INPP5B: variants seen among roughly 807,000 people sequenced by gnomAD.
INPP5B encodes the protein inositol polyphosphate-5-phosphatase B, also known as type II inositol 1,4,5-trisphosphate 5-phosphatase.
Under a neutral mutation model 118.5 loss-of-function variants are expected in INPP5B, and 90 were observed. The ratio of observed to expected loss-of-function variants is 0.76; its 90% confidence interval spans 0.64 to 0.90. The LOEUF is 0.90. Among genes scored for constraint, INPP5B ranks in the 40% least tolerant of loss-of-function variants. INPP5B has a pLI of 0.00. For synonymous variants in INPP5B, 385 were observed against 418.9 expected, an observed-to-expected ratio of 0.92 and a Z score of 0.99; for missense variants, 984 against 1,125.6, an observed-to-expected ratio of 0.87 and a Z score of 1.80.
intron 5 of INPP5B, 145 bp downstream of exon 5, chr1:37,943,495 C>A: frequency 2.6e-6 from 2 of 766,606 alleles, no homozygotes; most frequent in Non-Finnish European, 2.1e-6. Flanking sequence ...GATGAGCCCA[C>A]GGAGATGGGC....
At chr1:37,871,514 T>C (rs949128792) in intron 19 of INPP5B, among the ~76,000 whole-genome samples, 17 of 151,686 alleles carry the variant, frequency 1.1e-4, no homozygotes, top group Non-Finnish European at 2.5e-4. Flanking sequence ...ACACCTGCAA[T>C]CCCAACACTT....
chr1:37,868,490 A>T lies in INPP5B; in HGVS notation c.2301+11T>A, dbSNP rs1176417872. 1 of 1,599,412 alleles carries T rather than the reference A, an allele frequency of 6.3e-7. No individual in the cohort carries two copies. On this transcript the variant is annotated intron_variant, in intron 20 of 23. Transcript: ENST00000373024. Reference sequence around the variant, plus strand: ...GCCTCAATCAGGTCTGAATGCTTAAACACAACCTACCTGCTGGACAGCATT... The same window carrying T: ...GCCTCAATCAGGTCTGAATGCTTAATCACAACCTACCTGCTGGACAGCATT...
chr1:37,897,138 C>T (rs1314428147), intron 7 of INPP5B, among the ~76,000 whole-genome samples: 10 of 151,426 alleles, frequency 6.6e-5, no homozygotes, highest in Non-Finnish European at 1.3e-4. Context: ...TCCGGCCAGC[C>T]GCCCTGTCCG....
intron 7 of INPP5B, among the ~76,000 whole-genome samples, chr1:37,900,499 C>T (rs556398310): frequency 5.9e-5 from 9 of 151,604 alleles, no homozygotes; most frequent in South Asian, 2.1e-4. Flanking sequence ...ATGATCCGCC[C>T]GCCTCAGCCT....
intron 7 of INPP5B, among the ~76,000 whole-genome samples, chr1:37,923,082 G>A (rs142479802): frequency 1.3e-5 from 2 of 152,290 alleles, no homozygotes; most frequent in East Asian, 3.9e-4. Flanking sequence ...GAGGAAGGGG[G>A]CAGGAGTTGT....
At position 37,888,243 on chromosome 1, in the gene INPP5B, C is replaced by T. The variant is rs1643650556; in HGVS notation, c.899G>A (p.Gly300Glu). Residue 300 changes from glycine (G) to glutamate (E), a missense_variant and splice_region_variant, in exon 10 of 24, where the codon GGG becomes GAG. Around this residue, in one of 2 missense-constraint regions of INPP5B, gnomAD observed 634 missense variants for 791.0 expected, o/e 0.80. Coordinates refer to ENST00000373024, the MANE Select transcript of INPP5B (RefSeq NM_005540.3). ...AGGGGACTAGAAGAGAAGCACTCAC[C>T]CTACACAATAGACATCTGGGGCCTG... ...GIQAPDVYCV[G>E]FQELDLSKEA... is the part of the protein sequence containing the mutation. The T allele has an allele frequency of 1.3e-6, 2 of 1,543,308 alleles. No individual in the cohort carries two copies. The highest frequency in any genetic ancestry group is 1.7e-6 in the Non-Finnish European group (2 of 1,143,228).
chr1:37,910,491 A>C (rs903217864), intron 7 of INPP5B, among the ~76,000 whole-genome samples: 5 of 151,906 alleles, frequency 3.3e-5, no homozygotes, highest in African/African-American at 1.2e-4. Flanking sequence ...CTTTTCCCCC[A>C]GTTCAAAGCC....
At position 37,874,103 on chromosome 1, in the gene INPP5B, AT is replaced by A. The variant is rs1180503700; in HGVS notation, c.1840del (p.Ile614PhefsTer26). The A allele has an allele frequency of 2.5e-6, 4 of 1,600,908 alleles. No individual in the cohort carries two copies. Among genetic ancestry groups the A allele is most frequent in the Non-Finnish European group, 3.4e-6 (4 of 1,170,154 alleles). On this transcript the variant is annotated frameshift_variant, in exon 18 of 24. Transcript: ENST00000373024. LOFTEE classifies it high-confidence loss of function. Reference protein sequence around the residue: ...YMQLKVESFTIHNGQVPCHFE... With the variant: ...YMQLKVESFTXHNGQVPCHFE... Reference sequence around the variant, plus strand: ...ATGACAGGGTACTTGTCCATTATGAATTGTAAAGGATTCTACTTTCAATTGC... The same window carrying A: ...ATGACAGGGTACTTGTCCATTATGAATGTAAAGGATTCTACTTTCAATTGC...
chr1:37,910,184 T>C (rs1471148343), intron 7 of INPP5B, among the ~76,000 whole-genome samples: 2 of 152,146 alleles, frequency 1.3e-5, no homozygotes, highest in Admixed American at 6.5e-5. Flanking sequence ...TCTGGATAAC[T>C]CTTACAGTGG....
Position 37,889,559 on chromosome 1 carries a change from GA to G in INPP5B, c.794del (p.Phe265SerfsTer10). 2 of 1,609,216 alleles carry G rather than the reference GA, an allele frequency of 1.2e-6. No individual in the cohort carries two copies. The highest frequency in any genetic ancestry group is 1.7e-6 in the Non-Finnish European group (2 of 1,177,802). ...CATCCTAGAACCCAGTTAGCTACCTGAAGTTCTGGATATAGGTGTAATCCTC... is the reference window on the plus strand; with the variant it reads ...CATCCTAGAACCCAGTTAGCTACCTGAGTTCTGGATATAGGTGTAATCCTC... Reference protein sequence around the residue: ...KEEDYTYIQNFRFFAGTYNVN... With the variant: ...KEEDYTYIQNXRFFAGTYNVN... On this transcript the variant is annotated frameshift_variant, in exon 9 of 24. Coordinates refer to ENST00000373024, the MANE Select transcript of INPP5B (RefSeq NM_005540.3). LOFTEE classifies it high-confidence loss of function.
At chr1:37,905,891 T>G (rs1030663498) in intron 7 of INPP5B, among the ~76,000 whole-genome samples, 1 of 152,196 alleles carries the variant, frequency 6.6e-6, no homozygotes, top group Non-Finnish European at 1.5e-5. Flanking sequence ...TCAAGAAAAC[T>G]TTTCTTTTGA....
intron 6 of INPP5B, among the ~76,000 whole-genome samples, chr1:37,933,296 C>T (rs890514035): frequency 2.0e-5 from 3 of 152,202 alleles, no homozygotes; most frequent in Non-Finnish European, 4.4e-5. Flanking sequence ...TGCCTGTAAT[C>T]CCAGCACTTT....
At chr1:37,885,531 C>A (rs543445460) in intron 13 of INPP5B, 107 bp downstream of exon 13, 1 of 885,484 alleles carries the variant, frequency 1.1e-6, no homozygotes, top group East Asian at 2.5e-5. Context: ...GGAGCTACCA[C>A]CATTGCAGCA....
chr1:37,937,829 A>C (rs1441936028), intron 6 of INPP5B, among the ~76,000 whole-genome samples: 2 of 151,966 alleles, frequency 1.3e-5, no homozygotes, highest in Admixed American at 1.3e-4. Context: ...TTAGCCAGGC[A>C]TAGTGGCAGG....
chr1:37,869,352 C>G (rs2148455193), intron 19 of INPP5B, among the ~76,000 whole-genome samples: 1 of 151,832 alleles, frequency 6.6e-6, no homozygotes, highest in East Asian at 1.9e-4. Flanking sequence ...GCTATGCTGC[C>G]CAGGCTGGTC....
intron 17 of INPP5B, among the ~76,000 whole-genome samples, chr1:37,874,517 G>A (rs968189237): frequency 3.3e-5 from 5 of 152,202 alleles, no homozygotes; most frequent in African/African-American, 1.2e-4. Context: ...TGCCATCTGC[G>A]GCTGCCACAG....
At chr1:37,874,516 C>T (rs191808078) in intron 17 of INPP5B, among the ~76,000 whole-genome samples, 6 of 152,290 alleles carry the variant, frequency 3.9e-5, no homozygotes, top group East Asian at 3.9e-4. Context: ...ATGCCATCTG[C>T]GGCTGCCACA....
intron 6 of INPP5B, among the ~76,000 whole-genome samples, chr1:37,939,312 C>T (rs568318337): frequency 5.3e-5 from 8 of 151,662 alleles, no homozygotes; most frequent in South Asian, 2.1e-4. Flanking sequence ...TGCAGTGAGC[C>T]GAGATCGCGC....
chr1:37,943,521 A>C lies in INPP5B; in HGVS notation c.280+119T>G. ...GGAGATGGGCTGTGCCAGATCCTAC[A>C]GGGTCTTACTTGCTGCAATAAGTTT... On this transcript the variant is annotated intron_variant, in intron 5 of 23. Coordinates refer to ENST00000373024, the MANE Select transcript of INPP5B (RefSeq NM_005540.3). The C allele has an allele frequency of 1.1e-5, 11 of 1,023,898 alleles. No individual in the cohort carries two copies. In the South Asian group the frequency reaches 1.7e-4, roughly 15 times the overall value. The allele number at this position is 1,023,898 out of a possible 1,614,324, so 63.4% of individuals were successfully genotyped here. A position where few individuals can be genotyped will look rare whatever the true frequency, so the allele number is the denominator to read the frequency against.
Sources: allele counts gnomAD v4.1 joint callset (sites outside exome capture counted in the v4.1 genomes callset), GRCh38; gene constraint gnomAD v4.1.1; regional missense constraint gnomAD v4.1.1; transcripts MANE v1.5; gene names NCBI Gene and HGNC (gene_info 2026-07-23, HGNC 2026-07-21).